Variants in CCSER1 observed in about 807,000 individuals in gnomAD.
The protein encoded by CCSER1 is serine-rich coiled-coil domain-containing protein 1.
Under a neutral mutation model 82.0 loss-of-function variants are expected in CCSER1, and 41 were observed. That is an observed-to-expected ratio of 0.50 (90% CI 0.39 to 0.65). CCSER1 has a LOEUF of 0.65. CCSER1 is among the 30% of genes least tolerant of loss of function. The pLI is 0.00. For synonymous variants in CCSER1, 414 were observed against 383.9 expected, an observed-to-expected ratio of 1.08 and a Z score of -0.92; for missense variants, 1,119 against 1,064.2, an observed-to-expected ratio of 1.05 and a Z score of -0.72.
intron 10 of CCSER1, among the ~76,000 whole-genome samples, chr4:91,291,398 G>T (rs1210289876): frequency 2.0e-5 from 3 of 151,982 alleles, no homozygotes; most frequent in Admixed American, 2.0e-4. Context: ...CTGCTACGAA[G>T]AAACACCCGA....
intron 10 of CCSER1, among the ~76,000 whole-genome samples, chr4:91,440,472 G>A (rs1384488124): frequency 6.6e-6 from 1 of 152,232 alleles, no homozygotes; most frequent in African/African-American, 2.4e-5. Flanking sequence ...TCAAAGCAGT[G>A]TGTAGAGGGA....
chr4:91,507,558 T>C (rs1470377639), intron 10 of CCSER1, among the ~76,000 whole-genome samples: 3 of 151,958 alleles, frequency 2.0e-5, no homozygotes, highest in Non-Finnish European at 2.9e-5. Context: ...CGTATCATTT[T>C]TGAGGAATCA....
At chr4:90,350,061 G>A (rs1691432050) in intron 3 of CCSER1, among the ~76,000 whole-genome samples, 1 of 152,114 alleles carries the variant, frequency 6.6e-6, no homozygotes, top group Non-Finnish European at 1.5e-5. Flanking sequence ...AAAAGTATCA[G>A]ATTCAGGGCC....
chr4:91,423,263 T>TTA (rs1427614368), intron 10 of CCSER1, among the ~76,000 whole-genome samples: 1 of 148,966 alleles, frequency 6.7e-6, no homozygotes, highest in African/African-American at 2.5e-5. Context: ...CCGTCTCTAC[T>TTA]TAAAAAAAAA....
intron 10 of CCSER1, among the ~76,000 whole-genome samples, chr4:91,344,903 G>A (rs978697442): frequency 6.6e-6 from 1 of 152,108 alleles, no homozygotes; most frequent in Admixed American, 6.6e-5. Context: ...CAAAGAGGTC[G>A]AGTATATCAT....
intron 1 of CCSER1, among the ~76,000 whole-genome samples, chr4:90,282,634 C>T (rs1167896106): frequency 1.3e-5 from 2 of 151,876 alleles, no homozygotes; most frequent in Non-Finnish European, 2.9e-5. Flanking sequence ...AGATGCTGCT[C>T]ATCTCATCTT....
At chr4:91,256,828 A>G (rs113935269) in intron 10 of CCSER1, among the ~76,000 whole-genome samples, 1,531 of 152,314 alleles carry the variant, frequency 0.01, 16 homozygotes, top group African/African-American at 0.035. Context: ...ATAAACCTAC[A>G]AGGCAATATT....
At chr4:91,184,172 G>A (rs1194984428) in intron 10 of CCSER1, among the ~76,000 whole-genome samples, 1 of 152,194 alleles carries the variant, frequency 6.6e-6, no homozygotes, top group Non-Finnish European at 1.5e-5. Flanking sequence ...TCCATATAGT[G>A]AATAATGTAA....
At chr4:91,194,237 A>G (rs532944077) in intron 10 of CCSER1, among the ~76,000 whole-genome samples, 1 of 152,236 alleles carries the variant, frequency 6.6e-6, no homozygotes, top group African/African-American at 2.4e-5. Context: ...CCTAGAGTGC[A>G]TGAGCCACTG....
chr4:90,888,404 A>G (rs1722471968), intron 8 of CCSER1, among the ~76,000 whole-genome samples: 1 of 152,194 alleles, frequency 6.6e-6, no homozygotes, highest in Non-Finnish European at 1.5e-5. Context: ...AAGAGTAGAA[A>G]GAGTAGTGAA....
intron 10 of CCSER1, among the ~76,000 whole-genome samples, chr4:91,273,246 A>G (rs574638786): frequency 6.6e-6 from 1 of 152,038 alleles, no homozygotes; most frequent in Non-Finnish European, 1.5e-5. Flanking sequence ...ATGGGTTTCC[A>G]TTTGTTTGGG....
chr4:91,439,868 A>T (rs1340013726), intron 10 of CCSER1, among the ~76,000 whole-genome samples: 1 of 152,236 alleles, frequency 6.6e-6, no homozygotes, highest in Non-Finnish European at 1.5e-5. Flanking sequence ...GAGACAAAGA[A>T]GGCCATTACA....
chr4:90,687,617 A>C (rs1186017692), intron 6 of CCSER1, among the ~76,000 whole-genome samples: 5 of 152,128 alleles, frequency 3.3e-5, no homozygotes, highest in African/African-American at 4.8e-5. Flanking sequence ...CAGGAGTTTG[A>C]ATTAGGAATA....
chr4:90,917,682 A>G (rs974778635), intron 8 of CCSER1, among the ~76,000 whole-genome samples: 2 of 152,034 alleles, frequency 1.3e-5, no homozygotes, highest in African/African-American at 2.4e-5. Context: ...AAGATCAAAA[A>G]AATTACATCA....
chr4:91,015,397 G>A (rs1180470023), intron 9 of CCSER1: 1 of 151,936 alleles, frequency 6.6e-6, no homozygotes, highest in Non-Finnish European at 1.5e-5. Context: ...TCATCACAAG[G>A]AGTTAGAGTC....
chr4:91,546,721 A>T (rs1024849634), intron 10 of CCSER1, among the ~76,000 whole-genome samples: 3 of 151,884 alleles, frequency 2.0e-5, no homozygotes, highest in Admixed American at 6.6e-5. Flanking sequence ...TTCCTGTTTT[A>T]AATTTCATTG....
chr4:90,198,167 A>G (rs1432178570), intron 1 of CCSER1, among the ~76,000 whole-genome samples: 2 of 152,128 alleles, frequency 1.3e-5, no homozygotes, highest in South Asian at 2.1e-4. Context: ...ATCATTGGCC[A>G]TTGGTGATCA....
At chr4:90,779,084 A>G (rs906732238) in intron 7 of CCSER1, among the ~76,000 whole-genome samples, 1 of 152,162 alleles carries the variant, frequency 6.6e-6, no homozygotes, top group African/African-American at 2.4e-5. Flanking sequence ...ATTATGTCAT[A>G]TCCCTGTTAA....
intron 4 of CCSER1, among the ~76,000 whole-genome samples, chr4:90,465,095 C>T (rs1351849283): frequency 6.6e-6 from 1 of 151,978 alleles, no homozygotes; most frequent in African/African-American, 2.4e-5. Flanking sequence ...TCCCAAGTAG[C>T]CGGGATTACA....
Sources: allele counts gnomAD v4.1 joint callset (sites outside exome capture counted in the v4.1 genomes callset), GRCh38; gene constraint gnomAD v4.1.1; transcripts MANE v1.5; gene names NCBI Gene and HGNC (gene_info 2026-07-23, HGNC 2026-07-21).